CRPPA: variants seen among roughly 807,000 people sequenced by gnomAD.
CRPPA encodes D-ribitol-5-phosphate cytidylyltransferase.
In CRPPA, 43 loss-of-function variants were observed where a neutral mutation model predicts 52.0. The ratio of observed to expected loss-of-function variants is 0.83; its 90% CI spans 0.65 to 1.07. The LOEUF (loss-of-function observed/expected upper bound fraction) is 1.07. Ranked by LOEUF, CRPPA falls within the 50% of genes least tolerant of loss-of-function variation. The pLI is 0.00. For synonymous variants in CRPPA, 250 were observed against 203.5 expected, an observed-to-expected ratio of 1.23 and a Z score of -1.94; for missense variants, 629 against 551.7, an observed-to-expected ratio of 1.14 and a Z score of -1.40.
intron 8 of CRPPA, among the ~76,000 whole-genome samples, chr7:16,258,022 C>T (rs1358921904): frequency 1.3e-5 from 2 of 152,026 alleles, no homozygotes; most frequent in Non-Finnish European, 2.9e-5. Context: ...GTTTTTTCCT[C>T]ACATTAACAT....
At chr7:16,278,335 G>T in intron 5 of CRPPA, 109 bp from the exon 6 acceptor site, 1 of 631,412 alleles carries the variant, frequency 1.6e-6, no homozygotes, top group East Asian at 2.8e-5. Flanking sequence ...CCAAGAATAG[G>T]GAGGTTTTGA....
chr7:16,263,367 G>A (rs181847869), intron 6 of CRPPA, among the ~76,000 whole-genome samples: 15 of 152,042 alleles, frequency 9.9e-5, no homozygotes, highest in Non-Finnish European at 1.5e-4. Context: ...TGACAACTTC[G>A]GCCCATATTG....
Position 16,421,381 on chromosome 7 carries a change from C to A in CRPPA, c.-59G>T, listed in dbSNP as rs1788336124. On this transcript the variant is annotated 5_prime_UTR_variant, in exon 1 of 10. Transcript: ENST00000407010. ...CGGGCCGATGCGACCCCGCGCTGCT[C>A]CCACCCTCGGCCGGGGTCGCGGGGC... The A allele has an allele frequency of 8.2e-7, 1 of 1,215,168 alleles. No homozygotes were observed. Among genetic ancestry groups the A allele is most frequent in the South Asian group, 4.2e-5 (1 of 23,966 alleles). 75.3% of individuals were successfully genotyped at this position (1,215,168 alleles called of 1,614,324 possible). A position where few individuals can be genotyped will look rare whatever the true frequency, so the allele number is the denominator to read the frequency against.
chr7:16,238,008 C>A (rs1393268836), intron 8 of CRPPA, among the ~76,000 whole-genome samples: 10 of 152,158 alleles, frequency 6.6e-5, no homozygotes, highest in Non-Finnish European at 1.3e-4. Flanking sequence ...ATTTCTCAAA[C>A]CTTAGATGGT....
At chr7:16,255,144 A>G (rs1018869316) in intron 8 of CRPPA, among the ~76,000 whole-genome samples, 10 of 152,198 alleles carry the variant, frequency 6.6e-5, no homozygotes, top group African/African-American at 2.4e-4. Flanking sequence ...CTATATACCA[A>G]TATCAGACAA....
At chr7:16,342,791 A>C (rs1583534083) in intron 3 of CRPPA, among the ~76,000 whole-genome samples, 1 of 64,102 alleles carries the variant, frequency 1.6e-5, no homozygotes, top group South Asian at 5.7e-4. Flanking sequence ...AAATATATAT[A>C]TATATATCTA....
intron 9 of CRPPA, among the ~76,000 whole-genome samples, chr7:16,190,449 C>G (rs1781585462): frequency 6.6e-6 from 1 of 152,116 alleles, no homozygotes; most frequent in African/African-American, 2.4e-5. Context: ...TATAACGTAA[C>G]AATACGCATT....
intron 8 of CRPPA, among the ~76,000 whole-genome samples, chr7:16,227,045 C>G (rs1247473269): frequency 1.3e-5 from 2 of 151,940 alleles, no homozygotes; most frequent in Non-Finnish European, 2.9e-5. Flanking sequence ...CCTCCAGATT[C>G]AGCCACGTTG....
intron 1 of CRPPA, among the ~76,000 whole-genome samples, chr7:16,417,870 C>G (rs529675166): frequency 6.0e-4 from 92 of 152,122 alleles, no homozygotes; most frequent in Middle Eastern, 3.4e-3. Context: ...CTTAGAATAA[C>G]CTAAATGATT....
At chr7:16,174,296 T>A (rs1254461099) in intron 9 of CRPPA, among the ~76,000 whole-genome samples, 1 of 152,170 alleles carries the variant, frequency 6.6e-6, no homozygotes, top group Non-Finnish European at 1.5e-5. Context: ...AGTCTTCATT[T>A]TATGAAGTCA....
intron 9 of CRPPA, among the ~76,000 whole-genome samples, chr7:16,125,090 T>C (rs1274868548): frequency 6.6e-6 from 1 of 150,720 alleles, no homozygotes; most frequent in Non-Finnish European, 1.5e-5. Flanking sequence ...TGAACCCCCA[T>C]CTCTACTAAA....
chr7:16,190,290 C>A (rs1781581709), intron 9 of CRPPA, among the ~76,000 whole-genome samples: 1 of 152,148 alleles, frequency 6.6e-6, no homozygotes, highest in South Asian at 2.1e-4. Context: ...CAATTGCTAA[C>A]TTTTAATAGA....
chr7:16,323,176 G>C (rs143399651), intron 3 of CRPPA, among the ~76,000 whole-genome samples: 34 of 152,278 alleles, frequency 2.2e-4, no homozygotes, highest in Non-Finnish European at 1.0e-4. Context: ...CAAGTCTCCA[G>C]ATAAAGAGAT....
intron 9 of CRPPA, among the ~76,000 whole-genome samples, chr7:16,120,202 G>T (rs11760717): frequency 0.38 from 57,157 of 152,072 alleles, 11,718 homozygotes; most frequent in East Asian, 0.62. Flanking sequence ...CCCTTCAGGT[G>T]TTGACCTTGG....
chr7:16,194,482 C>T (rs1781686143), intron 9 of CRPPA, among the ~76,000 whole-genome samples: 1 of 152,108 alleles, frequency 6.6e-6, no homozygotes, highest in South Asian at 2.1e-4. Flanking sequence ...AACAAAGTAG[C>T]ATGGCAAGAA....
chr7:16,352,270 T>G (rs1786175578), intron 3 of CRPPA, among the ~76,000 whole-genome samples: 1 of 149,290 alleles, frequency 6.7e-6, no homozygotes. Context: ...GTTGGAGGGG[T>G]GGGGAGCAAG....
At chr7:16,214,468 T>A (rs1782247914) in intron 9 of CRPPA, among the ~76,000 whole-genome samples, 1 of 152,126 alleles carries the variant, frequency 6.6e-6, no homozygotes, top group Non-Finnish European at 1.5e-5. Context: ...AAGAACAGAT[T>A]TTTCCCACTG....
intron 2 of CRPPA, among the ~76,000 whole-genome samples, chr7:16,399,946 C>T (rs535857813): frequency 2.0e-5 from 3 of 152,136 alleles, no homozygotes; most frequent in Admixed American, 6.5e-5. Context: ...ATATGTGACA[C>T]GTGACTGACA....
At chr7:16,227,735 C>A (rs1782688548) in intron 8 of CRPPA, among the ~76,000 whole-genome samples, 1 of 151,824 alleles carries the variant, frequency 6.6e-6, no homozygotes. Flanking sequence ...TGTGCAGAAG[C>A]TTTTAAGTTT....
Sources: allele counts gnomAD v4.1 joint callset (sites outside exome capture counted in the v4.1 genomes callset), GRCh38; gene constraint gnomAD v4.1.1; transcripts MANE v1.5; gene names NCBI Gene and HGNC (gene_info 2026-07-23, HGNC 2026-07-21).